Variants in F13A1 observed in about 807,000 individuals in gnomAD.
F13A1 encodes FSF, A subunit.
In F13A1, 47 loss-of-function variants were observed where a neutral mutation model predicts 80.1. The observed-to-expected ratio is 0.59, with a 90% confidence interval of 0.46 to 0.75. F13A1 has a LOEUF of 0.75. F13A1 is among the 30% of genes least tolerant of loss of function. The pLI, the probability that F13A1 is intolerant of heterozygous loss-of-function variation, is 0.00. For synonymous variants in F13A1, 349 were observed against 344.9 expected, an observed-to-expected ratio of 1.01 and a Z score of -0.13; for missense variants, 817 against 930.4, an observed-to-expected ratio of 0.88 and a Z score of 1.59.
In F13A1 at chr6:6,261,054, C is replaced by T. The variant is rs531300844; in HGVS notation, c.571+5504G>A. 3.2e-4 allele frequency among the ~76,000 whole-genome samples: 49 copies of T among 152,176 alleles called. No homozygotes were observed. In the South Asian group the frequency reaches 3.5e-3, roughly 11 times the overall value. Reference sequence around the variant, plus strand: ...TACGATCTCGGCTCACTGCAACCTCCGCCTCCCAGGTTCAAGCAGTTCTCC... The same window carrying T: ...TACGATCTCGGCTCACTGCAACCTCTGCCTCCCAGGTTCAAGCAGTTCTCC... On this transcript the variant is annotated intron_variant, in intron 4 of 14. Coordinates refer to ENST00000264870, the MANE Select transcript of F13A1 (RefSeq NM_000129.4).
At chr6:6,313,849 TG>T (rs1758641887) in intron 2 of F13A1, among the ~76,000 whole-genome samples, 1 of 152,148 alleles carries the variant, frequency 6.6e-6, no homozygotes, top group Non-Finnish European at 1.5e-5. Flanking sequence ...ATTGCTCAGG[TG>T]CTCAGAGGAA....
At chr6:6,271,805 A>C (rs1757925224) in intron 3 of F13A1, among the ~76,000 whole-genome samples, 1 of 152,236 alleles carries the variant, frequency 6.6e-6, no homozygotes, top group Non-Finnish European at 1.5e-5. Context: ...AATGTTTTTA[A>C]GGCAAAAGCC....
At chr6:6,197,364 T>A in intron 8 of F13A1, 38 bp from the exon 9 acceptor site, 1 of 1,568,874 alleles carries the variant, frequency 6.4e-7, no homozygotes, top group South Asian at 1.1e-5. Flanking sequence ...AAACTTCCCA[T>A]CACACCCAAT....
At chr6:6,257,479 G>T (rs6936721) in intron 4 of F13A1, among the ~76,000 whole-genome samples, 30,825 of 151,994 alleles carry the variant, frequency 0.2, 3,147 homozygotes, top group African/African-American at 0.24. Context: ...CAAGCAAATG[G>T]TTCCTCAATA....
rs72817025 is a variant in F13A1 at position 6,227,857 on chromosome 6, C to A, written c.799-2997G>T. 5.0e-3 allele frequency among the ~76,000 whole-genome samples: 765 copies of A among 152,276 alleles called. 2 individuals are homozygous for A. The highest frequency in any genetic ancestry group is 8.4e-3 in the Non-Finnish European group (568 of 68,012). On this transcript the variant is annotated intron_variant, in intron 6 of 14. Coordinates refer to ENST00000264870, the MANE Select transcript of F13A1 (RefSeq NM_000129.4). ...TTAATTGTTAATGCTGAGCTGTTCCCCTGTTGCTAGATAAATCACAACCCT... is the reference window on the plus strand; with the variant it reads ...TTAATTGTTAATGCTGAGCTGTTCCACTGTTGCTAGATAAATCACAACCCT...
rs1277311158 is a variant in F13A1, at chr6:6,162,863, T to C, written c.1908+4595A>G. 6.6e-6 allele frequency among the ~76,000 whole-genome samples: 1 copy of C among 152,216 alleles called. No homozygotes were observed. The highest frequency in any genetic ancestry group is 1.5e-5 in the Non-Finnish European group (1 of 68,038). ...AAGCTTTAAACTCAGATGATTTGGT[T>C]CCAGAGCCCATGTTCTGACCACTGT... On this transcript the variant is annotated intron_variant, in intron 13 of 14. Coordinates refer to ENST00000264870, the MANE Select transcript of F13A1 (RefSeq NM_000129.4). This position sits in a 1 kb window ranked among gnomAD's most constrained non-coding sequence, Gnocchi z 4.2.
rs966210217 is a variant in F13A1 at position 6,243,338 on chromosome 6, A to G, written c.798+4974T>C. Among the ~76,000 whole-genome samples, 1 of 151,390 alleles carries G rather than the reference A, an allele frequency of 6.6e-6. No individual in the cohort carries two copies. The highest frequency in any genetic ancestry group is 1.5e-5 in the Non-Finnish European group (1 of 67,786). ...CACTATCACCACCACCGTCACCACCACCATCATCACTAACTCTATCACCAC... is the reference window on the plus strand; with the variant it reads ...CACTATCACCACCACCGTCACCACCGCCATCATCACTAACTCTATCACCAC... On this transcript the variant is annotated intron_variant, in intron 6 of 14. Coordinates refer to ENST00000264870, the MANE Select transcript of F13A1 (RefSeq NM_000129.4). This position sits in a 1 kb window ranked among gnomAD's most constrained non-coding sequence, Gnocchi z 4.2.
At chr6:6,274,207 C>T (rs542519686) in intron 3 of F13A1, among the ~76,000 whole-genome samples, 3 of 152,194 alleles carry the variant, frequency 2.0e-5, no homozygotes, top group African/African-American at 4.8e-5. Context: ...ATGTTTGGAA[C>T]GTAGTAGGTG....
intron 8 of F13A1, among the ~76,000 whole-genome samples, chr6:6,200,427 C>T (rs1583068480): frequency 6.6e-6 from 1 of 151,930 alleles, no homozygotes; most frequent in Non-Finnish European, 1.5e-5. Context: ...GTTAGCTGAC[C>T]TGTAGTCTCA....
intron 10 of F13A1, among the ~76,000 whole-genome samples, chr6:6,185,219 C>T (rs1214692393): frequency 1.9e-4 from 28 of 150,816 alleles, no homozygotes; most frequent in African/African-American, 2.2e-4. Context: ...CATGCTGGTG[C>T]GCTGCACCCA....
At chr6:6,147,970 G>C (rs1760314663) in intron 14 of F13A1, among the ~76,000 whole-genome samples, 2 of 152,186 alleles carry the variant, frequency 1.3e-5, no homozygotes, top group Non-Finnish European at 2.9e-5. Flanking sequence ...CATCTTGAAT[G>C]CACGCAGGCA....
At chr6:6,239,721 A>AG (rs376731993) in intron 6 of F13A1, among the ~76,000 whole-genome samples, 80,384 of 151,700 alleles carry the variant, frequency 0.53, 22,496 homozygotes, top group African/African-American at 0.71. Flanking sequence ...ACTGAGAGAG[A>AG]AAACTGAGAT....
At chr6:6,289,543 C>G (rs1189965558) in intron 3 of F13A1, among the ~76,000 whole-genome samples, 1 of 152,114 alleles carries the variant, frequency 6.6e-6, no homozygotes, top group South Asian at 2.1e-4. Context: ...CAAACTCATG[C>G]AGCATCCATT....
At chr6:6,291,093 T>C (rs1011381195) in intron 3 of F13A1, among the ~76,000 whole-genome samples, 21 of 152,158 alleles carry the variant, frequency 1.4e-4, no homozygotes, top group Non-Finnish European at 2.5e-4. Flanking sequence ...TAAGACCCTA[T>C]AGCACCTGCT....
intron 11 of F13A1, among the ~76,000 whole-genome samples, chr6:6,175,743 G>C (rs1007304083): frequency 1.3e-5 from 2 of 152,236 alleles, no homozygotes; most frequent in Non-Finnish European, 2.9e-5. Flanking sequence ...TTGACAGGCG[G>C]TGGTGCACCT....
intron 8 of F13A1, among the ~76,000 whole-genome samples, chr6:6,213,888 G>C (rs1583075107): frequency 1.0e-5 from 1 of 99,448 alleles, no homozygotes; most frequent in Admixed American, 1.1e-4. Flanking sequence ...CCTAGTCTCT[G>C]ATAAAACAGA....
chr6:6,237,436 G>T (rs377102599), intron 6 of F13A1, among the ~76,000 whole-genome samples: 1 of 152,104 alleles, frequency 6.6e-6, no homozygotes, highest in African/African-American at 2.4e-5. Context: ...ATACTTGGTC[G>T]AAAGGAAAGG....
intron 10 of F13A1, among the ~76,000 whole-genome samples, chr6:6,194,646 G>T (rs1761257668): frequency 1.3e-5 from 2 of 152,118 alleles, no homozygotes; most frequent in South Asian, 4.1e-4. Context: ...CTCTCTACAT[G>T]GCCCACCTGA....
intron 13 of F13A1, among the ~76,000 whole-genome samples, chr6:6,163,932 C>T (rs1177509303): frequency 6.6e-6 from 1 of 152,150 alleles, no homozygotes; most frequent in East Asian, 1.9e-4. Flanking sequence ...CTCCCACCAA[C>T]CGTATATAAG....
Sources: allele counts gnomAD v4.1 joint callset (sites outside exome capture counted in the v4.1 genomes callset), GRCh38; gene constraint gnomAD v4.1.1; non-coding constraint Gnocchi (gnomAD v3.1); transcripts MANE v1.5; gene names NCBI Gene and HGNC (gene_info 2026-07-23, HGNC 2026-07-21).